The following TAFA1 variants were observed in gnomAD, a reference collection of about 807,000 sequenced individuals.
TAFA1 encodes the protein TAFA chemokine like family member 1.
In TAFA1, 4 loss-of-function variants were observed where a neutral mutation model predicts 18.5. That is an observed-to-expected ratio of 0.22 (90% confidence interval 0.11 to 0.49). The LOEUF is 0.49. Among genes scored for constraint, TAFA1 ranks in the 20% least tolerant of loss-of-function variants. The pLI, the probability that TAFA1 is intolerant of heterozygous loss-of-function variation, is 0.98. For synonymous variants in TAFA1, 56 were observed against 55.2 expected, an observed-to-expected ratio of 1.01 and a Z score of -0.06; for missense variants, 147 against 169.0, an observed-to-expected ratio of 0.87 and a Z score of 0.72.
chr3:68,499,288 T>A (rs1184523007), intron 3 of TAFA1, among the ~76,000 whole-genome samples: 3 of 151,956 alleles, frequency 2.0e-5, no homozygotes, highest in African/African-American at 7.2e-5. Flanking sequence ...ACTTACTGCT[T>A]ATTGATGCAT....
At chr3:68,338,881 T>C (rs2069024283) in intron 2 of TAFA1, among the ~76,000 whole-genome samples, 1 of 152,200 alleles carries the variant, frequency 6.6e-6, no homozygotes, top group Non-Finnish European at 1.5e-5. Flanking sequence ...AAGCAAGGCT[T>C]GGATTCGTGC....
intron 3 of TAFA1, among the ~76,000 whole-genome samples, chr3:68,479,104 G>A (rs1396144924): frequency 2.0e-5 from 3 of 149,940 alleles, no homozygotes; most frequent in Non-Finnish European, 3.0e-5. Flanking sequence ...GGTGACGCGC[G>A]CCTGTAGTCC....
At chr3:68,341,228 G>T (rs2069076469) in intron 2 of TAFA1, among the ~76,000 whole-genome samples, 1 of 152,086 alleles carries the variant, frequency 6.6e-6, no homozygotes, top group Non-Finnish European at 1.5e-5. Context: ...AGGATAATTT[G>T]GTGGTTAGGG....
intron 2 of TAFA1, among the ~76,000 whole-genome samples, chr3:68,379,281 TGATTGTTC>T (rs1228798974): frequency 2.6e-5 from 4 of 152,372 alleles, no homozygotes; most frequent in African/African-American, 9.6e-5. Flanking sequence ...TCTTTTCATA[TGATTGTTC>T]ACCACATGTA....
At chr3:68,278,611 C>A (rs137982487) in intron 2 of TAFA1, among the ~76,000 whole-genome samples, 2 of 152,092 alleles carry the variant, frequency 1.3e-5, no homozygotes, top group Non-Finnish European at 2.9e-5. Flanking sequence ...TCCCCTTCTG[C>A]GCCTGGGTAG....
intron 2 of TAFA1, among the ~76,000 whole-genome samples, chr3:68,291,441 T>C (rs1559602239): frequency 6.6e-6 from 1 of 152,100 alleles, no homozygotes; most frequent in Non-Finnish European, 1.5e-5. Context: ...GTGAGTAGTA[T>C]TGCAGATCCC....
chr3:68,335,429 G>A (rs1490578814), intron 2 of TAFA1, among the ~76,000 whole-genome samples: 3 of 151,516 alleles, frequency 2.0e-5, no homozygotes, highest in Non-Finnish European at 4.4e-5. Flanking sequence ...TCCATACAGA[G>A]ATCAACTTTT....
At chr3:68,491,409 AATC>A (rs2072450772) in intron 3 of TAFA1, among the ~76,000 whole-genome samples, 1 of 151,920 alleles carries the variant, frequency 6.6e-6, no homozygotes, top group South Asian at 2.1e-4. Flanking sequence ...TGAAATTGGA[AATC>A]ATCATTCTCA....
intron 2 of TAFA1, among the ~76,000 whole-genome samples, chr3:68,185,746 C>T (rs1286238489): frequency 6.6e-6 from 1 of 151,660 alleles, no homozygotes; most frequent in East Asian, 2.0e-4. Context: ...TTCATCTCTA[C>T]AGAAAAAATA....
At chr3:67,995,365 G>T in the TAFA1 span, among the ~76,000 whole-genome samples, 1 of 152,102 alleles carries the variant, frequency 6.6e-6, no homozygotes, top group Non-Finnish European at 1.5e-5. Context: ...TGATTTGATT[G>T]ATCTGGGTGG....
chr3:68,491,284 C>A (rs533869367), intron 3 of TAFA1, among the ~76,000 whole-genome samples: 4 of 152,124 alleles, frequency 2.6e-5, no homozygotes, highest in South Asian at 4.1e-4. Flanking sequence ...GACTTGGAAC[C>A]AACCCAAATG....
At chr3:68,122,459 C>A (rs770338872) in intron 2 of TAFA1, among the ~76,000 whole-genome samples, 1 of 152,018 alleles carries the variant, frequency 6.6e-6, no homozygotes, top group South Asian at 2.1e-4. Context: ...GAAAAAGAAT[C>A]GCAAATGAAG....
chr3:68,212,206 G>A (rs1214390493), intron 2 of TAFA1, among the ~76,000 whole-genome samples: 1 of 151,146 alleles, frequency 6.6e-6, no homozygotes, highest in East Asian at 2.0e-4. Flanking sequence ...ATCAGACCAG[G>A]AAAGAGACTG....
intron 2 of TAFA1, among the ~76,000 whole-genome samples, chr3:68,242,960 T>C (rs1348822755): frequency 6.6e-6 from 1 of 152,150 alleles, no homozygotes; most frequent in Non-Finnish European, 1.5e-5. Flanking sequence ...TGATGGATTA[T>C]ATGATTGTAT....
chr3:68,354,989 A>G (rs1314514489), intron 2 of TAFA1, among the ~76,000 whole-genome samples: 3 of 152,136 alleles, frequency 2.0e-5, no homozygotes, highest in Non-Finnish European at 4.4e-5. Context: ...TCAAATCATT[A>G]TAAGCAATCC....
intron 2 of TAFA1, among the ~76,000 whole-genome samples, chr3:68,315,950 G>T (rs573437959): frequency 6.6e-6 from 1 of 152,290 alleles, no homozygotes; most frequent in Non-Finnish European, 1.5e-5. Context: ...GAAGAGGAAG[G>T]TCAGAGGAAT....
chr3:68,096,987 C>A (rs1031177628), intron 2 of TAFA1, among the ~76,000 whole-genome samples: 7 of 152,072 alleles, frequency 4.6e-5, no homozygotes, highest in African/African-American at 1.2e-4. Context: ...TATCTGGGGC[C>A]TGATTGAATA....
At chr3:68,302,100 G>C (rs377124083) in intron 2 of TAFA1, among the ~76,000 whole-genome samples, 2 of 152,180 alleles carry the variant, frequency 1.3e-5, no homozygotes, top group Non-Finnish European at 2.9e-5. Context: ...CACTACAGAA[G>C]ATCAGGTGTT....
intron 2 of TAFA1, among the ~76,000 whole-genome samples, chr3:68,117,554 G>A (rs1244159264): frequency 1.3e-5 from 2 of 152,150 alleles, no homozygotes; most frequent in African/African-American, 2.4e-5. Context: ...TTTTAAACCC[G>A]TTAACTCTCT....
Sources: gnomAD v4.1 joint callset for allele counts (sites outside exome capture counted in the v4.1 genomes callset) on GRCh38, gnomAD v4.1.1 for gene constraint, MANE v1.5 for transcripts, NCBI Gene and HGNC (gene_info 2026-07-23, HGNC 2026-07-21) for gene names.